Variants in C1orf21 observed in about 807,000 individuals in gnomAD.
C1orf21 encodes the protein chromosome 1 open reading frame 21, also known as uncharacterized protein C1orf21.
A neutral mutation model predicts 18.7 loss-of-function variants in C1orf21; 3 were observed. That is an observed-to-expected ratio of 0.16 (90% CI 0.07 to 0.42). The LOEUF (loss-of-function observed/expected upper bound fraction) is 0.42, where lower values mean the gene tolerates loss of function less well. C1orf21 is among the 10% of genes least tolerant of loss of function. The pLI, the probability that C1orf21 is intolerant of heterozygous loss-of-function variation, is 0.99. For synonymous variants in C1orf21, 41 were observed against 46.4 expected, an observed-to-expected ratio of 0.88 and a Z score of 0.47; for missense variants, 104 against 143.6, an observed-to-expected ratio of 0.72 and a Z score of 1.41.
At chr1:184,515,480 C>T (rs555321519) in intron 3 of C1orf21, among the ~76,000 whole-genome samples, 10 of 152,182 alleles carry the variant, frequency 6.6e-5, no homozygotes, top group South Asian at 2.1e-4. Context: ...CAAGAATCAC[C>T]GGGCGTCGTT....
intron 3 of C1orf21, among the ~76,000 whole-genome samples, chr1:184,547,371 A>C (rs149500409): frequency 1.2e-3 from 170 of 147,752 alleles, no homozygotes; most frequent in African/African-American, 4.1e-3. Flanking sequence ...TGCTTATTTA[A>C]ATTTGTGTTT....
At chr1:184,536,448 A>G (rs536901547) in intron 3 of C1orf21, among the ~76,000 whole-genome samples, 2 of 152,282 alleles carry the variant, frequency 1.3e-5, no homozygotes, top group Admixed American at 1.3e-4. Context: ...CTTTAGAGGC[A>G]TGATCTAAAA....
At chr1:184,568,868 TGAACC>T (rs1659070451) in intron 3 of C1orf21, among the ~76,000 whole-genome samples, 1 of 152,266 alleles carries the variant, frequency 6.6e-6, no homozygotes, top group Non-Finnish European at 1.5e-5. Flanking sequence ...TTAATGTTAC[TGAACC>T]GTGTAGCACA....
At chr1:184,429,379 T>C (rs938752736) in intron 1 of C1orf21, among the ~76,000 whole-genome samples, 4 of 152,198 alleles carry the variant, frequency 2.6e-5, no homozygotes, top group Non-Finnish European at 4.4e-5. Context: ...GTAAATTATG[T>C]CGTTTGCAAA....
At chr1:184,570,272 TTTTG>T (rs528927017) in intron 3 of C1orf21, among the ~76,000 whole-genome samples, 157 of 152,290 alleles carry the variant, frequency 1.0e-3, no homozygotes, top group African/African-American at 3.6e-3. Flanking sequence ...ATCCTTTTTG[TTTTG>T]TTTGTTTGAA....
At chr1:184,474,175 C>G (rs1657536460) in intron 1 of C1orf21, among the ~76,000 whole-genome samples, 1 of 152,174 alleles carries the variant, frequency 6.6e-6, no homozygotes. Context: ...AAGCATCACT[C>G]TTAAATTTGA....
chr1:184,610,957 ACT>A (rs1282858686), intron 5 of C1orf21, among the ~76,000 whole-genome samples: 1 of 151,868 alleles, frequency 6.6e-6, no homozygotes, highest in Admixed American at 6.6e-5. Flanking sequence ...GTTAATACTT[ACT>A]CTCTCTTGGA....
At position 184,484,070 on chromosome 1, in the gene C1orf21, C is replaced by T. The variant is rs1045129732; in HGVS notation, c.94+6467C>T. On this transcript the variant is annotated intron_variant, in intron 2 of 5. Coordinates refer to ENST00000235307, the MANE Select transcript of C1orf21 (RefSeq NM_030806.4). ...TCCCAAGTAGCTGGGATTACAGGCACCCACCACCGCGCCCGGCTAATTTTT... is the reference window on the plus strand; with the variant it reads ...TCCCAAGTAGCTGGGATTACAGGCATCCACCACCGCGCCCGGCTAATTTTT... Among the ~76,000 whole-genome samples the T allele has an allele frequency of 2.0e-5, 3 of 152,010 alleles. No homozygotes were observed. In the South Asian group the frequency reaches 6.2e-4, roughly 32 times the overall value.
At chr1:184,430,517 T>G (rs1359571497) in intron 1 of C1orf21, among the ~76,000 whole-genome samples, 1 of 152,226 alleles carries the variant, frequency 6.6e-6, no homozygotes, top group Non-Finnish European at 1.5e-5. Flanking sequence ...GCTACTTACA[T>G]TTTGAAAAAC....
intron 1 of C1orf21, among the ~76,000 whole-genome samples, chr1:184,397,296 T>C (rs1656065701): frequency 6.6e-6 from 1 of 152,320 alleles, no homozygotes; most frequent in Middle Eastern, 3.4e-3. Context: ...GTTAAAAAAC[T>C]GTATGGCTGG....
At chr1:184,488,238 C>G (rs942682202) in intron 2 of C1orf21, among the ~76,000 whole-genome samples, 3 of 152,080 alleles carry the variant, frequency 2.0e-5, no homozygotes, top group Non-Finnish European at 4.4e-5. Flanking sequence ...AATGAAAAGA[C>G]CAAAGGACAT....
chr1:184,605,802 G>A (rs947466737), intron 5 of C1orf21, among the ~76,000 whole-genome samples: 3 of 152,222 alleles, frequency 2.0e-5, no homozygotes, highest in South Asian at 2.1e-4. Flanking sequence ...AGAGTCTCCA[G>A]TAGTGTTTGC....
chr1:184,434,525 G>C (rs1205887660), intron 1 of C1orf21, among the ~76,000 whole-genome samples: 1 of 152,196 alleles, frequency 6.6e-6, no homozygotes, highest in Non-Finnish European at 1.5e-5. Context: ...GGAAGCTTAT[G>C]CATGTAAGTG....
chr1:184,475,660 A>G (rs566605464), intron 1 of C1orf21, among the ~76,000 whole-genome samples: 2 of 152,028 alleles, frequency 1.3e-5, no homozygotes, highest in Non-Finnish European at 2.9e-5. Flanking sequence ...CCTGAGCTCT[A>G]TACACCAGTA....
intron 3 of C1orf21, among the ~76,000 whole-genome samples, chr1:184,555,239 G>A (rs1658861703): frequency 6.6e-6 from 1 of 152,290 alleles, no homozygotes; most frequent in South Asian, 2.1e-4. Flanking sequence ...TCAGCTGCGT[G>A]GAACCAGACA....
chr1:184,436,247 C>T (rs1286250979), intron 1 of C1orf21, among the ~76,000 whole-genome samples: 2 of 152,158 alleles, frequency 1.3e-5, no homozygotes, highest in African/African-American at 4.8e-5. Context: ...GATGCAGCCA[C>T]ATTGGCGACA....
intron 1 of C1orf21, among the ~76,000 whole-genome samples, chr1:184,444,033 A>C (rs959033846): frequency 6.6e-6 from 1 of 152,188 alleles, no homozygotes; most frequent in African/African-American, 2.4e-5. Flanking sequence ...ACAGCCTCCT[A>C]AAATGCCTTT....
intron 5 of C1orf21, among the ~76,000 whole-genome samples, chr1:184,607,671 GTATATATATACATATATGTGTGTGTA>G (rs1659666794): frequency 2.0e-5 from 3 of 150,080 alleles, no homozygotes; most frequent in Non-Finnish European, 4.4e-5. Context: ...ATATATGTGT[GTATATATATACATATATGTGTGTGTA>G]TATATATACA....
intron 1 of C1orf21, among the ~76,000 whole-genome samples, chr1:184,393,885 C>G (rs1490188492): frequency 6.6e-6 from 1 of 152,022 alleles, no homozygotes; most frequent in Non-Finnish European, 1.5e-5. Context: ...ATTCCTGCAA[C>G]TTGAACTAAT....
Sources: allele counts gnomAD v4.1 joint callset (sites outside exome capture counted in the v4.1 genomes callset), GRCh38; gene constraint gnomAD v4.1.1; transcripts MANE v1.5; gene names NCBI Gene and HGNC (gene_info 2026-07-23, HGNC 2026-07-21).